CLCN1: variants seen among roughly 807,000 people sequenced by gnomAD.
The protein encoded by CLCN1 is chloride channel protein 1.
In CLCN1, 100 loss-of-function variants were observed where a neutral mutation model predicts 114.5. That is an observed-to-expected ratio of 0.87 (90% CI 0.74 to 1.03). The LOEUF (loss-of-function observed/expected upper bound fraction) is 1.03. Ranked by LOEUF, CLCN1 falls within the 50% of genes least tolerant of loss-of-function variation. The probability of loss-of-function intolerance (pLI) is 0.00; values close to 1 mark genes in which losing one functional copy is unlikely to be tolerated. For missense variants in CLCN1, 1,188 were observed against 1,250.0 expected (o/e 0.95, Z 0.75); for synonymous variants, 485 against 487.1 (o/e 1.00, Z 0.06).
chr7:143,326,901 T>G (rs940867), intron 7 of CLCN1, among the ~76,000 whole-genome samples: 88,926 of 152,040 alleles, frequency 0.58, 26,743 homozygotes, highest in Admixed American at 0.65. Context: ...TAAAAATGGT[T>G]CTATAAACCA....
intron 7 of CLCN1, among the ~76,000 whole-genome samples, chr7:143,327,887 T>C (rs1802616311): frequency 6.6e-6 from 1 of 152,166 alleles, no homozygotes; most frequent in Non-Finnish European, 1.5e-5. Context: ...ACTCCCGGCC[T>C]CAAGTGATCT....
chr7:143,345,888 G>T (rs945637861), intron 17 of CLCN1, 126 bp downstream of exon 17: 24 of 1,367,938 alleles, frequency 1.8e-5, no homozygotes, highest in Non-Finnish European at 2.3e-5. Context: ...AAGAGGGAGG[G>T]GAGAGTCTGG....
In CLCN1 at chr7:143,339,493, C is replaced by A; in HGVS notation, c.1472-18C>A. ...CTTGGATCTCGTAACACCTTCCTTC[C>A]TTTTATCTTCCCTCTAGGAGCTGCA... On this transcript the variant is annotated intron_variant, in intron 13 of 22. Coordinates refer to ENST00000343257, the MANE Select transcript of CLCN1 (RefSeq NM_000083.3). This position sits in a 1 kb window ranked among gnomAD's most constrained non-coding sequence, Gnocchi z 4.1. 6.3e-7 allele frequency: 1 copy of A among 1,589,554 alleles called. No individual in the cohort carries two copies. The highest frequency in any genetic ancestry group is 8.6e-7 in the Non-Finnish European group (1 of 1,157,616).
rs751682004 is a variant in CLCN1, at chr7:143,342,061, G to A, written c.1715G>A (p.Ser572Asn). ...AVILANMVAQ[S>N]LQPSLYDSII... Reference sequence around the variant, plus strand: ...ATCTTGGCCAACATGGTGGCCCAGAGCCTGCAGCCCTCTCTCTATGACAGC... The same window carrying A: ...ATCTTGGCCAACATGGTGGCCCAGAACCTGCAGCCCTCTCTCTATGACAGC... The change falls in exon 15 of 23, where the codon AGC (serine) becomes AAC (asparagine). Residue 572 changes from serine to asparagine, a missense_variant. By Grantham distance (46) the Ser-to-Asn change is conservative. Transcript: ENST00000343257. 3.1e-6 allele frequency: 5 copies of A among 1,614,050 alleles called. No individual in the cohort carries two copies. Among genetic ancestry groups the A allele is most frequent in the South Asian group, 2.2e-5 (2 of 91,088 alleles).
chr7:143,344,971 C>T (rs1377974448), intron 16 of CLCN1, among the ~76,000 whole-genome samples: 3 of 152,058 alleles, frequency 2.0e-5, no homozygotes, highest in African/African-American at 7.2e-5. Context: ...AGGCTGGTCT[C>T]GAACTCCTGA....
chr7:143,350,386 G>C lies in CLCN1; in HGVS notation c.2418G>C (p.Glu806Asp), dbSNP rs1274398310. ...NMSPEEIEAWEQEQLSQPVCF... is the reference protein window; with the variant it reads ...NMSPEEIEAWDQEQLSQPVCF... ...CTGGCTGACAGATTGAGGCCTGGGA[G>C]CAGGAGCAGCTGAGCCAGCCTGTCT... The change falls in exon 21 of 23, where the codon GAG becomes GAC. Residue 806 changes from glutamate to aspartate, a missense_variant. Physicochemically the swap from Glu to Asp is conservative, Grantham distance 45 (BLOSUM62 2). Transcript: ENST00000343257. The surrounding 1 kb of genome is among the most constrained non-coding windows in gnomAD (Gnocchi z 5.1). The C allele has an allele frequency of 1.2e-6, 2 of 1,613,810 alleles. No individual in the cohort carries two copies. Among genetic ancestry groups the C allele is most frequent in the Admixed American group, 1.7e-5 (1 of 59,974 alleles).
intron 2 of CLCN1, 101 bp from the exon 3 acceptor site, chr7:143,320,563 C>T: frequency 1.4e-6 from 1 of 734,944 alleles, no homozygotes; most frequent in Admixed American, 2.3e-5. Flanking sequence ...TTCTCTCTCT[C>T]TCTCTCTCTC....
chr7:143,319,139 A>T (rs1174955554), intron 1 of CLCN1, among the ~76,000 whole-genome samples: 1 of 152,180 alleles, frequency 6.6e-6, no homozygotes, highest in Non-Finnish European at 1.5e-5. Context: ...TAGGGGTCTA[A>T]TTATCTAGCT....
At chr7:143,337,843 T>TCC (rs1563082486) in intron 12 of CLCN1, among the ~76,000 whole-genome samples, 8 of 96,876 alleles carry the variant, frequency 8.3e-5, no homozygotes, top group African/African-American at 3.0e-4. Context: ...TTTTTTTTTT[T>TCC]TGCGACAGAG....
Position 143,332,746 on chromosome 7 carries a change from G to A in CLCN1, c.1274G>A (p.Ser425Asn). Residue 425 changes from serine to asparagine, a missense_variant, in exon 12 of 23, where the codon AGT becomes AAT. Transcript: ENST00000343257. ...CAGTTGATGCCCCGCGAAGCCATCA[G>A]TACTTTGTTTGACAACAATACATGG... ...AGELMPREAISTLFDNNTWVK... is the reference protein window; with the variant it reads ...AGELMPREAINTLFDNNTWVK... 6.2e-7 allele frequency: 1 copy of A among 1,614,208 alleles called. No homozygotes were observed. Among genetic ancestry groups the A allele is most frequent in the Non-Finnish European group, 8.5e-7 (1 of 1,180,046 alleles).
intron 12 of CLCN1, among the ~76,000 whole-genome samples, chr7:143,334,204 A>G (rs1344243773): frequency 1.5e-5 from 2 of 137,722 alleles, no homozygotes; most frequent in Non-Finnish European, 3.1e-5. Flanking sequence ...CAAGGGCAAC[A>G]CTCCTCAAGA....
chr7:143,345,396 A>G, intron 16 of CLCN1, 125 bp from the exon 17 acceptor site: 1 of 1,224,934 alleles, frequency 8.2e-7, no homozygotes. Flanking sequence ...GTTTCCAGGA[A>G]GCTGAGAAAG....
intron 1 of CLCN1, among the ~76,000 whole-genome samples, chr7:143,318,328 T>G (rs930082785): frequency 7.9e-5 from 12 of 152,158 alleles, no homozygotes; most frequent in Non-Finnish European, 1.6e-4. Flanking sequence ...GTTCAAGCAA[T>G]TCTCCTGCCT....
chr7:143,340,597 A>G (rs1193088217), intron 14 of CLCN1, among the ~76,000 whole-genome samples: 1 of 151,436 alleles, frequency 6.6e-6, no homozygotes, highest in East Asian at 1.9e-4. Context: ...CAGTGGCGCA[A>G]TCTGGGTTCA....
At chr7:143,331,090 C>T (rs1448114945) in intron 8 of CLCN1, 142 bp from the exon 9 acceptor site, 23 of 1,057,286 alleles carry the variant, frequency 2.2e-5, no homozygotes, top group Admixed American at 2.0e-4. Flanking sequence ...GAGGAGTGTG[C>T]GTAGAAAAAA....
In CLCN1 at chr7:143,352,024, G is replaced by C; in HGVS notation, c.*59G>C. The C allele has an allele frequency of 7.5e-6, 12 of 1,609,508 alleles. No homozygotes were observed. Among genetic ancestry groups the C allele is most frequent in the Non-Finnish European group, 1.0e-5 (12 of 1,177,804 alleles). On this transcript the variant is annotated 3_prime_UTR_variant, in exon 23 of 23. Coordinates refer to ENST00000343257, the MANE Select transcript of CLCN1 (RefSeq NM_000083.3). ...AGAGGCCCAGCCTGAGGGTGAACTTGTGTGGGGCAGGGTGCGTCCTGAATG... is the reference window on the plus strand; with the variant it reads ...AGAGGCCCAGCCTGAGGGTGAACTTCTGTGGGGCAGGGTGCGTCCTGAATG...
chr7:143,323,366 G>T lies in CLCN1; in HGVS notation c.754G>T (p.Val252Leu). 6.2e-7 allele frequency: 1 copy of T among 1,613,378 alleles called. No individual in the cohort carries two copies. Among genetic ancestry groups the T allele is most frequent in the Non-Finnish European group, 8.5e-7 (1 of 1,179,398 alleles). ...CAAVLSKFMS[V>L]FCGVYEQPYY... ...TGCTGTCCTCAGCAAATTCATGTCT[G>T]TGTTCTGCGGGGTATATGAGGTAAG... Residue 252 changes from valine (V) to leucine (L), a missense_variant, in exon 6 of 23, where the codon GTG becomes TTG. Transcript: ENST00000343257.
chr7:143,325,911 G>C (rs1802560797), intron 7 of CLCN1, among the ~76,000 whole-genome samples: 1 of 152,174 alleles, frequency 6.6e-6, no homozygotes, highest in Non-Finnish European at 1.5e-5. Flanking sequence ...GTTGACACAA[G>C]AAATTGTTAA....
chr7:143,322,180 C>G (rs1005218374), intron 5 of CLCN1, among the ~76,000 whole-genome samples: 14 of 152,358 alleles, frequency 9.2e-5, no homozygotes, highest in Admixed American at 8.5e-4. Context: ...AGATGCCCAG[C>G]TGCATCGCCC....
Sources: allele counts gnomAD v4.1 joint callset (sites outside exome capture counted in the v4.1 genomes callset), GRCh38; gene constraint gnomAD v4.1.1; non-coding constraint Gnocchi (gnomAD v3.1); transcripts MANE v1.5; gene names NCBI Gene and HGNC (gene_info 2026-07-23, HGNC 2026-07-21).